Variants in ENTREP2 observed in about 807,000 individuals in gnomAD.
ENTREP2 encodes endosomal transmembrane epsin interactor 2, also known as protein ENTREP2.
At chr15:29,538,904 G>C in the ENTREP2 span, among the ~76,000 whole-genome samples, 1 of 152,116 alleles carries the variant, frequency 6.6e-6, no homozygotes, top group Non-Finnish European at 1.5e-5. Flanking sequence ...AACACCCTCA[G>C]ATTCCACCAG....
the ENTREP2 span, among the ~76,000 whole-genome samples, chr15:29,515,177 C>T: frequency 1.3e-5 from 2 of 152,288 alleles, no homozygotes; most frequent in East Asian, 1.9e-4. Context: ...ATCCTGACTG[C>T]GGAGCAGGAC....
At chr15:29,581,248 C>A in the ENTREP2 span, among the ~76,000 whole-genome samples, 1 of 152,060 alleles carries the variant, frequency 6.6e-6, no homozygotes, top group Non-Finnish European at 1.5e-5. Context: ...ATGTAGAAAT[C>A]CTTTTTCTAC....
the ENTREP2 span, among the ~76,000 whole-genome samples, chr15:29,134,009 C>T: frequency 6.6e-6 from 1 of 152,152 alleles, no homozygotes; most frequent in Non-Finnish European, 1.5e-5. Flanking sequence ...ACCTCGCATG[C>T]CTGATGCCCA....
chr15:29,136,125 C>G, the ENTREP2 span, among the ~76,000 whole-genome samples: 1 of 152,266 alleles, frequency 6.6e-6, no homozygotes, highest in African/African-American at 2.4e-5. Context: ...GCAGGTGCCG[C>G]TCTCTGAGCC....
At chr15:29,502,656 C>A in the ENTREP2 span, among the ~76,000 whole-genome samples, 1 of 151,778 alleles carries the variant, frequency 6.6e-6, no homozygotes, top group Non-Finnish European at 1.5e-5. Context: ...AAAAGACAAC[C>A]CATAGAATGA....
At chr15:29,300,258 G>A in the ENTREP2 span, among the ~76,000 whole-genome samples, 6 of 148,096 alleles carry the variant, frequency 4.1e-5, no homozygotes, top group South Asian at 1.3e-3. Flanking sequence ...ATGGATGGAT[G>A]GACGGATGAA....
chr15:29,372,352 C>G, the ENTREP2 span, among the ~76,000 whole-genome samples: 1 of 152,136 alleles, frequency 6.6e-6, no homozygotes, highest in Non-Finnish European at 1.5e-5. Flanking sequence ...TTTCTTTTCT[C>G]TAGCTTACTT....
chr15:29,477,249 G>C, the ENTREP2 span, among the ~76,000 whole-genome samples: 1 of 152,118 alleles, frequency 6.6e-6, no homozygotes, highest in Non-Finnish European at 1.5e-5. Flanking sequence ...GTTCACCTTT[G>C]GGGGCAGTAA....
the ENTREP2 span, among the ~76,000 whole-genome samples, chr15:29,240,357 C>T: frequency 4.0e-5 from 6 of 149,340 alleles, no homozygotes; most frequent in African/African-American, 9.9e-5. Context: ...AGCGAGACTC[C>T]GTCTCAGAAA....
At chr15:29,283,941 T>C in the ENTREP2 span, among the ~76,000 whole-genome samples, 1 of 151,998 alleles carries the variant, frequency 6.6e-6, no homozygotes, top group Non-Finnish European at 1.5e-5. Flanking sequence ...AAATTACTAT[T>C]TTAGGAAGAT....
chr15:29,606,487 G>A, the ENTREP2 span, among the ~76,000 whole-genome samples: 1 of 152,026 alleles, frequency 6.6e-6, no homozygotes, highest in Non-Finnish European at 1.5e-5. Flanking sequence ...ACCCGCCTCA[G>A]CCTCCCAAAT....
At chr15:29,210,506 C>T in the ENTREP2 span, among the ~76,000 whole-genome samples, 1 of 152,204 alleles carries the variant, frequency 6.6e-6, no homozygotes, top group South Asian at 2.1e-4. Flanking sequence ...GCATTATATT[C>T]TCATAGGAGC....
At chr15:29,335,817 G>A in the ENTREP2 span, among the ~76,000 whole-genome samples, 1 of 152,132 alleles carries the variant, frequency 6.6e-6, no homozygotes, top group Admixed American at 6.5e-5. Context: ...GACTTCAAAG[G>A]AAAAATATCT....
chr15:29,321,820 T>C, the ENTREP2 span, among the ~76,000 whole-genome samples: 1 of 151,846 alleles, frequency 6.6e-6, no homozygotes, highest in African/African-American at 2.4e-5. Context: ...CTGGGGCCTG[T>C]TTGGGGGAGT....
At chr15:29,570,737 C>A in the ENTREP2 span, 2 of 966,504 alleles carry the variant, frequency 2.1e-6, no homozygotes, top group South Asian at 4.7e-5. Context: ...GCCGGGCGCC[C>A]GCACGCCTCG....
chr15:29,493,810 C>CTACTAAAAA, the ENTREP2 span, among the ~76,000 whole-genome samples: 1 of 151,952 alleles, frequency 6.6e-6, no homozygotes, highest in African/African-American at 2.4e-5. Context: ...AACCTCATCT[C>CTACTAAAAA]TACTAAAAAT....
the ENTREP2 span, among the ~76,000 whole-genome samples, chr15:29,444,202 G>GA: frequency 7.0e-6 from 1 of 142,628 alleles, no homozygotes; most frequent in African/African-American, 2.8e-5. Context: ...AAGAAAGAAA[G>GA]AAAGAAAGAA....
the ENTREP2 span, among the ~76,000 whole-genome samples, chr15:29,525,701 G>A: frequency 3.3e-5 from 5 of 152,206 alleles, no homozygotes; most frequent in Admixed American, 6.5e-5. Context: ...CTATAGTATG[G>A]AGAACTGGTC....
chr15:29,292,623 T>G, the ENTREP2 span, among the ~76,000 whole-genome samples: 3 of 152,188 alleles, frequency 2.0e-5, no homozygotes, highest in African/African-American at 7.2e-5. Flanking sequence ...TCAGGTGATC[T>G]GCCCTGCTCG....
Sources: allele counts gnomAD v4.1 joint callset (sites outside exome capture counted in the v4.1 genomes callset), GRCh38; gene constraint gnomAD v4.1.1; transcripts MANE v1.5; gene names NCBI Gene and HGNC (gene_info 2026-07-23, HGNC 2026-07-21).